The following C9 variants were observed in gnomAD, a reference collection of about 807,000 sequenced individuals.
The protein encoded by C9 is complement C9, also known as complement component C9.
C9 carries 63 observed loss-of-function variants against 65.4 expected under a neutral mutation model. The observed-to-expected ratio is 0.96, with a 90% confidence interval of 0.79 to 1.19. The LOEUF (loss-of-function observed/expected upper bound fraction) is 1.19. C9 is among the 50% of genes most tolerant of loss of function. C9 has a pLI of 0.00. For synonymous variants in C9, 229 were observed against 227.9 expected (o/e 1.00, Z -0.04); for missense variants, 744 against 670.1 (o/e 1.11, Z -1.22).
chr5:39,364,273 G>C, intron 1 of C9, 115 bp downstream of exon 1: 1 of 715,228 alleles, frequency 1.4e-6, no homozygotes, highest in Non-Finnish European at 2.6e-6. Context: ...AGATTCTAGG[G>C]CTCTGTATAT....
At chr5:39,324,509 A>G (rs1221248913) in intron 5 of C9, among the ~76,000 whole-genome samples, 2 of 152,174 alleles carry the variant, frequency 1.3e-5, no homozygotes, top group Non-Finnish European at 2.9e-5. Flanking sequence ...CCACTTTCAG[A>G]TATAACAGAT....
At chr5:39,316,358 A>T (rs930761298) in intron 5 of C9, among the ~76,000 whole-genome samples, 38 of 152,132 alleles carry the variant, frequency 2.5e-4, no homozygotes, top group African/African-American at 9.2e-4. Context: ...TTTTCAACTT[A>T]CTTTAAGTTC....
intron 5 of C9, among the ~76,000 whole-genome samples, chr5:39,323,180 T>A (rs1753693026): frequency 6.6e-6 from 1 of 151,844 alleles, no homozygotes; most frequent in African/African-American, 2.4e-5. Context: ...ACAAAAAGTC[T>A]CCCATGAAAG....
chr5:39,354,604 G>A (rs898728452), intron 1 of C9, among the ~76,000 whole-genome samples: 1 of 152,014 alleles, frequency 6.6e-6, no homozygotes, highest in African/African-American at 2.4e-5. Context: ...CACTGAGCTG[G>A]TATCCTTTCT....
intron 5 of C9, among the ~76,000 whole-genome samples, chr5:39,329,794 T>A (rs746745746): frequency 2.0e-5 from 3 of 152,218 alleles, no homozygotes; most frequent in Non-Finnish European, 4.4e-5. Flanking sequence ...CAGGTACTAC[T>A]GATACACATG....
At chr5:39,362,510 A>G (rs534750776) in intron 1 of C9, among the ~76,000 whole-genome samples, 1 of 152,282 alleles carries the variant, frequency 6.6e-6, no homozygotes, top group African/African-American at 2.4e-5. Flanking sequence ...TCAGACTTCT[A>G]ACCTCCAGAA....
Position 39,361,353 on chromosome 5 carries a change from C to T in C9, c.77+3035G>A, listed in dbSNP as rs539204033. 3.9e-5 allele frequency among the ~76,000 whole-genome samples: 6 copies of T among 152,182 alleles called. 1 individual carries two copies. Among genetic ancestry groups the T allele is most frequent in the African/African-American group, 9.6e-5 (4 of 41,512 alleles). On this transcript the variant is annotated intron_variant, in intron 1 of 10. Transcript: ENST00000263408. ...TTTACATATAATAACACAAATCTCA[C>T]GGAAAGTTATGAGTAGGGAAAGTAA...
intron 1 of C9, among the ~76,000 whole-genome samples, chr5:39,363,032 C>T (rs1294699104): frequency 1.3e-5 from 2 of 152,176 alleles, no homozygotes; most frequent in African/African-American, 4.8e-5. Flanking sequence ...AGCTTCCCCA[C>T]AGCCTCTCAT....
chr5:39,291,818 A>G (rs1457665005), intron 9 of C9, among the ~76,000 whole-genome samples: 2 of 151,894 alleles, frequency 1.3e-5, no homozygotes, highest in Non-Finnish European at 2.9e-5. Context: ...TGAGTTTGTC[A>G]GTAGATTTGA....
Position 39,288,904 on chromosome 5 carries a change from G to A in C9, c.1464C>T (p.His488=), listed in dbSNP as rs1361866770. The A allele has an allele frequency of 6.2e-7, 1 of 1,611,058 alleles. No homozygotes were observed. Among genetic ancestry groups the A allele is most frequent in the East Asian group, 2.2e-5 (1 of 44,770 alleles). The change falls in exon 10 of 11, where the codon CAC becomes CAT. Residue 488 remains histidine (H), a synonymous_variant. Transcript: ENST00000263408. The stretch of plus-strand genomic sequence containing the variant: ...CTCTTTCCAAGTTTTGTTTCTTTAG[G>A]TGTGCATTTTTCATTTTCACTGGAA... ...NLVPVKMKNA[H]LKKQNLERAI... is the part of the protein sequence containing the mutation.
intron 9 of C9, among the ~76,000 whole-genome samples, chr5:39,292,955 T>C (rs1244687844): frequency 6.6e-6 from 1 of 151,594 alleles, no homozygotes; most frequent in Non-Finnish European, 1.5e-5. Context: ...TAAAAAAGAA[T>C]AGTCAGGACA....
At chr5:39,312,162 A>G (rs1753495208) in intron 6 of C9, among the ~76,000 whole-genome samples, 1 of 152,154 alleles carries the variant, frequency 6.6e-6, no homozygotes, top group Non-Finnish European at 1.5e-5. Flanking sequence ...AATAATTTCC[A>G]TCTAAATATG....
At chr5:39,309,473 A>G (rs1385989551) in intron 7 of C9, among the ~76,000 whole-genome samples, 1 of 152,196 alleles carries the variant, frequency 6.6e-6, no homozygotes, top group Non-Finnish European at 1.5e-5. Context: ...AGAACTTAGA[A>G]ATTATCAGGT....
intron 5 of C9, among the ~76,000 whole-genome samples, chr5:39,321,388 TC>T (rs1478009446): frequency 2.6e-5 from 4 of 151,982 alleles, no homozygotes; most frequent in Non-Finnish European, 4.4e-5. Context: ...GCATGGTAAC[TC>T]ATGAAAACCA....
At chr5:39,343,079 C>T (rs1579872513) in intron 1 of C9, among the ~76,000 whole-genome samples, 2 of 152,134 alleles carry the variant, frequency 1.3e-5, no homozygotes, top group Non-Finnish European at 2.9e-5. Flanking sequence ...AGGAACAGCT[C>T]GTTTACAGCT....
intron 1 of C9, among the ~76,000 whole-genome samples, chr5:39,352,449 T>A (rs1754339341): frequency 6.6e-6 from 1 of 152,202 alleles, no homozygotes; most frequent in South Asian, 2.1e-4. Flanking sequence ...GCGTTAATTT[T>A]TCTCCCCTCT....
chr5:39,295,224 A>C (rs971335035), intron 9 of C9, among the ~76,000 whole-genome samples: 5 of 151,890 alleles, frequency 3.3e-5, no homozygotes, highest in African/African-American at 4.8e-5. Context: ...AGGCAAGAGA[A>C]AGAAATAAAG....
At chr5:39,350,649 G>T (rs1022228169) in intron 1 of C9, among the ~76,000 whole-genome samples, 10 of 152,206 alleles carry the variant, frequency 6.6e-5, no homozygotes, top group African/African-American at 2.4e-4. Context: ...CAGTTGGACA[G>T]TCATTAAATC....
intron 2 of C9, 57 bp from the exon 3 acceptor site, chr5:39,341,757 C>T: frequency 6.6e-7 from 1 of 1,511,170 alleles, no homozygotes; most frequent in South Asian, 1.1e-5. Flanking sequence ...AGGGTATGGT[C>T]TAAAGGTGCA....
Sources: gnomAD v4.1 joint callset for allele counts (sites outside exome capture counted in the v4.1 genomes callset) on GRCh38, gnomAD v4.1.1 for gene constraint, MANE v1.5 for transcripts, NCBI Gene and HGNC (gene_info 2026-07-23, HGNC 2026-07-21) for gene names.